Variants in CTIF observed in about 807,000 individuals in gnomAD.
The protein encoded by CTIF is cap binding complex dependent translation initiation factor, also known as CBP80/20-dependent translation initiation factor.
CTIF carries 21 observed loss-of-function variants against 66.0 expected under a neutral mutation model. The observed-to-expected ratio is 0.32, with a 90% CI of 0.23 to 0.46. CTIF has a LOEUF of 0.46. Among genes scored for constraint, CTIF ranks in the 20% least tolerant of loss-of-function variants. The pLI is 1.00. For missense variants in CTIF, 739 were observed against 812.7 expected (o/e 0.91, Z 1.10); for synonymous variants, 345 against 326.4 (o/e 1.06, Z -0.62).
chr18:48,820,573 A>T (rs2068461387), intron 10 of CTIF, among the ~76,000 whole-genome samples: 1 of 151,972 alleles, frequency 6.6e-6, no homozygotes, highest in Admixed American at 6.6e-5. Context: ...CTCCAAAAGG[A>T]TGTGGTCAGA....
At chr18:48,733,179 G>A (rs2092470767) in intron 7 of CTIF, among the ~76,000 whole-genome samples, 1 of 151,942 alleles carries the variant, frequency 6.6e-6, no homozygotes, top group Admixed American at 6.6e-5. Flanking sequence ...GGACACCTCT[G>A]TCACTAACTT....
chr18:48,574,174 G>A (rs2089480722), intron 1 of CTIF, among the ~76,000 whole-genome samples: 1 of 152,188 alleles, frequency 6.6e-6, no homozygotes, highest in South Asian at 2.1e-4. Flanking sequence ...GAGGGTCTCT[G>A]TTCCTGCCGC....
chr18:48,810,362 C>T (rs2068235117), intron 9 of CTIF, among the ~76,000 whole-genome samples: 1 of 152,068 alleles, frequency 6.6e-6, no homozygotes, highest in Admixed American at 6.5e-5. Flanking sequence ...ATAGTTTTGA[C>T]CACATCCCAC....
intron 7 of CTIF, among the ~76,000 whole-genome samples, chr18:48,730,508 G>A (rs112139155): frequency 1.0e-5 from 1 of 95,258 alleles, no homozygotes. Flanking sequence ...CGGTGTGAGG[G>A]GCTTCTGCGG....
intron 9 of CTIF, among the ~76,000 whole-genome samples, chr18:48,810,339 T>C (rs1215287383): frequency 6.6e-6 from 1 of 152,126 alleles, no homozygotes; most frequent in East Asian, 1.9e-4. Flanking sequence ...AGACTATAAA[T>C]TGACCTTTCA....
At chr18:48,774,680 G>T (rs1260406130) in intron 9 of CTIF, among the ~76,000 whole-genome samples, 1 of 152,156 alleles carries the variant, frequency 6.6e-6, no homozygotes, top group African/African-American at 2.4e-5. Flanking sequence ...AAGTCTGTAT[G>T]CACCCAGGTC....
At chr18:48,707,982 G>T (rs2092179878) in intron 6 of CTIF, among the ~76,000 whole-genome samples, 1 of 152,172 alleles carries the variant, frequency 6.6e-6, no homozygotes, top group African/African-American at 2.4e-5. Context: ...GTGGTCCTTT[G>T]TAACTAGCTT....
chr18:48,649,441 C>A (rs1254685729), intron 3 of CTIF, among the ~76,000 whole-genome samples: 5 of 152,228 alleles, frequency 3.3e-5, no homozygotes, highest in African/African-American at 9.6e-5. Context: ...GTAAACAGAG[C>A]AGCTGGGGAA....
rs534654701 is a variant in CTIF, at chr18:48,807,929, T to G, written c.1372-9292T>G. Among the ~76,000 whole-genome samples the G allele has an allele frequency of 3.6e-4, 55 of 152,336 alleles. No individual in the cohort carries two copies. The East Asian group carries it at 8.7e-3, about 24-fold the overall frequency. ...ATGCATGAATCATCATTTACTTAAT[T>G]GTTCCCCTGTTGTTGGGTGCTTAGG... On this transcript the variant is annotated intron_variant, in intron 9 of 11. Transcript: ENST00000256413.
chr18:48,635,430 C>A (rs1464452308), intron 2 of CTIF, among the ~76,000 whole-genome samples: 1 of 149,952 alleles, frequency 6.7e-6, no homozygotes, highest in Non-Finnish European at 1.5e-5. Context: ...CTTAAGCAAT[C>A]CTCCAGCCTC....
intron 7 of CTIF, among the ~76,000 whole-genome samples, chr18:48,711,940 A>G (rs6507862): frequency 0.25 from 38,690 of 152,024 alleles, 5,481 homozygotes; most frequent in African/African-American, 0.37. Context: ...CACCATCACC[A>G]CTGCCTCTTC....
chr18:48,681,042 G>GC (rs947201520), intron 6 of CTIF, among the ~76,000 whole-genome samples: 1 of 152,166 alleles, frequency 6.6e-6, no homozygotes, highest in African/African-American at 2.4e-5. Context: ...CCGGCAGGCG[G>GC]CCCCCCCAGG....
At chr18:48,846,799 A>T (rs138735780) in intron 10 of CTIF, among the ~76,000 whole-genome samples, 3 of 151,106 alleles carry the variant, frequency 2.0e-5, no homozygotes, top group Non-Finnish European at 4.4e-5. Flanking sequence ...GGATAGATAC[A>T]TGGATGAAAG....
intron 3 of CTIF, among the ~76,000 whole-genome samples, chr18:48,660,270 G>T (rs981714994): frequency 2.0e-5 from 3 of 151,254 alleles, no homozygotes; most frequent in African/African-American, 7.3e-5. Context: ...TGTTGGTTGC[G>T]TGACTGCCAT....
At chr18:48,549,741 C>A (rs983729068) in intron 1 of CTIF, among the ~76,000 whole-genome samples, 4 of 152,288 alleles carry the variant, frequency 2.6e-5, no homozygotes, top group Admixed American at 2.6e-4. Flanking sequence ...TGAAGAGAAA[C>A]GGGTCAGTAC....
chr18:48,753,090 C>T (rs1907997677), intron 7 of CTIF, among the ~76,000 whole-genome samples: 1 of 152,174 alleles, frequency 6.6e-6, no homozygotes, highest in Non-Finnish European at 1.5e-5. Context: ...GGTGACTGGG[C>T]CAGGGCAGGC....
chr18:48,575,466 T>G (rs2089509634), intron 1 of CTIF, among the ~76,000 whole-genome samples: 4 of 152,210 alleles, frequency 2.6e-5, no homozygotes, highest in Non-Finnish European at 5.9e-5. Flanking sequence ...TAGATTAATT[T>G]TCGATTTTCT....
chr18:48,777,024 T>C (rs1471024323), intron 9 of CTIF, among the ~76,000 whole-genome samples: 1 of 152,208 alleles, frequency 6.6e-6, no homozygotes. Context: ...AGCTTTGTTA[T>C]CCCAAAGCAG....
At chr18:48,764,142 C>CCT (rs1389450747) in intron 9 of CTIF, among the ~76,000 whole-genome samples, 3 of 152,202 alleles carry the variant, frequency 2.0e-5, no homozygotes, top group African/African-American at 2.4e-5. Context: ...ACTCCTACTT[C>CCT]AGGTGGTGCT....
Sources: gnomAD v4.1 joint callset for allele counts (sites outside exome capture counted in the v4.1 genomes callset) on GRCh38, gnomAD v4.1.1 for gene constraint, MANE v1.5 for transcripts, NCBI Gene and HGNC (gene_info 2026-07-23, HGNC 2026-07-21) for gene names.